The following ANAPC10 variants were observed in gnomAD, a reference collection of about 807,000 sequenced individuals.
ANAPC10 encodes anaphase-promoting complex subunit 10.
Under a neutral mutation model 22.0 loss-of-function variants are expected in ANAPC10, and 12 were observed. The ratio of observed to expected loss-of-function variants is 0.55; its 90% confidence interval spans 0.35 to 0.88. The LOEUF is 0.88. ANAPC10 is among the 40% of genes least tolerant of loss of function. The pLI is 0.01. For synonymous variants in ANAPC10, 65 were observed against 69.5 expected (o/e 0.94, Z 0.32); for missense variants, 188 against 220.9 (o/e 0.85, Z 0.94).
chr4:145,005,969 C>T (rs1733280660), intron 4 of ANAPC10, among the ~76,000 whole-genome samples: 1 of 151,964 alleles, frequency 6.6e-6, no homozygotes, highest in African/African-American at 2.4e-5. Context: ...ATCTATTAGG[C>T]CCATTTAGTT....
chr4:145,086,427 C>G (rs1002581082), intron 2 of ANAPC10, among the ~76,000 whole-genome samples: 5 of 152,192 alleles, frequency 3.3e-5, no homozygotes, highest in Non-Finnish European at 5.9e-5. Flanking sequence ...TGTACTGGTT[C>G]TCTAATGCAG....
intron 4 of ANAPC10, among the ~76,000 whole-genome samples, chr4:145,001,659 C>T (rs1732587748): frequency 6.6e-6 from 1 of 152,176 alleles, no homozygotes; most frequent in Non-Finnish European, 1.5e-5. Flanking sequence ...AGGAACCACC[C>T]ACCACCTTTC....
chr4:145,042,555 T>C (rs1046164412), intron 4 of ANAPC10, among the ~76,000 whole-genome samples: 1 of 152,180 alleles, frequency 6.6e-6, no homozygotes, highest in African/African-American at 2.4e-5. Flanking sequence ...TTATAGTATA[T>C]AAATACACAA....
chr4:145,087,836 C>T (rs1244201507), intron 2 of ANAPC10, among the ~76,000 whole-genome samples: 1 of 152,108 alleles, frequency 6.6e-6, no homozygotes, highest in Non-Finnish European at 1.5e-5. Context: ...CACTTGAGGT[C>T]AAGAGTTTGA....
chr4:144,996,979 A>T (rs1731715853), intron 4 of ANAPC10, among the ~76,000 whole-genome samples: 1 of 152,206 alleles, frequency 6.6e-6, no homozygotes, highest in African/African-American at 2.4e-5. Flanking sequence ...AGTGGAAGAA[A>T]GGGTAACAGT....
At chr4:145,097,295 G>C in intron 1 of ANAPC10, 1 of 370,064 alleles carries the variant, frequency 2.7e-6, no homozygotes, top group South Asian at 2.1e-5. Flanking sequence ...TCAAGATTTT[G>C]AAGTGAATAA....
chr4:145,022,633 T>C (rs757424939), intron 4 of ANAPC10, among the ~76,000 whole-genome samples: 2 of 151,958 alleles, frequency 1.3e-5, no homozygotes, highest in Admixed American at 6.6e-5. Flanking sequence ...ACATCACCTG[T>C]ACTCCAATAA....
intron 2 of ANAPC10, among the ~76,000 whole-genome samples, chr4:145,090,132 T>TG (rs1747451330): frequency 6.6e-6 from 1 of 152,204 alleles, no homozygotes; most frequent in African/African-American, 2.4e-5. Context: ...CAACGAGGAT[T>TG]GGTACCAGGA....
intron 2 of ANAPC10, among the ~76,000 whole-genome samples, chr4:145,092,354 T>C (rs1164478664): frequency 6.6e-6 from 1 of 151,488 alleles, no homozygotes; most frequent in African/African-American, 2.4e-5. Flanking sequence ...ATCACCTCCA[T>C]CCAAACAACA....
At chr4:145,010,153 C>G (rs1273402800) in intron 4 of ANAPC10, among the ~76,000 whole-genome samples, 1 of 152,056 alleles carries the variant, frequency 6.6e-6, no homozygotes, top group East Asian at 1.9e-4. Context: ...GAATGGCGAT[C>G]ATTAAAAAGT....
At chr4:145,000,749 G>A (rs1272060611) in intron 4 of ANAPC10, among the ~76,000 whole-genome samples, 2 of 151,986 alleles carry the variant, frequency 1.3e-5, no homozygotes, top group African/African-American at 2.4e-5. Context: ...ACATGCACAC[G>A]TTTATTGTGG....
intron 4 of ANAPC10, among the ~76,000 whole-genome samples, chr4:145,055,141 T>C (rs746465574): frequency 9.9e-5 from 15 of 152,184 alleles, no homozygotes; most frequent in Non-Finnish European, 2.1e-4. Context: ...GTACATCCAC[T>C]GTTCACAGCA....
At chr4:145,015,452 C>A (rs1340545022) in intron 4 of ANAPC10, among the ~76,000 whole-genome samples, 1 of 151,002 alleles carries the variant, frequency 6.6e-6, no homozygotes, top group Non-Finnish European at 1.5e-5. Flanking sequence ...GTGAAACAAC[C>A]AAACTTAAGA....
At position 145,098,160 on chromosome 4, in the gene ANAPC10, G is replaced by C. The variant is rs1349888976; in HGVS notation, c.-53C>G. ...CTGCTTGCCGAAACTCAGATTCTCG[G>C]CACCTCCAGCAGCTGGCTTCGCCAA... On this transcript the variant is annotated 5_prime_UTR_variant, in exon 1 of 5. Transcript: ENST00000507656. 1 of 152,630 alleles carries C rather than the reference G, an allele frequency of 6.6e-6. No individual in the cohort carries two copies. The highest frequency in any genetic ancestry group is 1.5e-5 in the Non-Finnish European group (1 of 68,354). 9.5% of individuals were successfully genotyped at this position (152,630 alleles called of 1,614,324 possible).
chr4:145,039,580 T>C (rs1358229676), intron 4 of ANAPC10, among the ~76,000 whole-genome samples: 1 of 152,098 alleles, frequency 6.6e-6, no homozygotes, highest in Non-Finnish European at 1.5e-5. Context: ...AGCCTTGCAA[T>C]AGCCCTATGA....
intron 4 of ANAPC10, among the ~76,000 whole-genome samples, chr4:145,050,724 C>A (rs908909585): frequency 1.3e-5 from 2 of 152,232 alleles, no homozygotes; most frequent in African/African-American, 4.8e-5. Flanking sequence ...TCACTGAAAC[C>A]TCATGAACCA....
intron 4 of ANAPC10, among the ~76,000 whole-genome samples, chr4:145,049,719 A>T (rs901773529): frequency 6.6e-6 from 1 of 152,134 alleles, no homozygotes; most frequent in African/African-American, 2.4e-5. Flanking sequence ...AGATGGGACT[A>T]CAGATGTGCA....
intron 3 of ANAPC10, among the ~76,000 whole-genome samples, chr4:145,070,639 T>C (rs1239938345): frequency 6.6e-6 from 1 of 152,228 alleles, no homozygotes; most frequent in East Asian, 1.9e-4. Flanking sequence ...CAATTCCACC[T>C]GTGGATATAT....
intron 4 of ANAPC10, 116 bp downstream of exon 4, chr4:145,064,456 A>G: frequency 1.3e-6 from 1 of 774,692 alleles, no homozygotes; most frequent in Non-Finnish European, 1.9e-6. Flanking sequence ...GTTTTCTCCA[A>G]TATTTTTCTC....
Sources: allele counts gnomAD v4.1 joint callset (sites outside exome capture counted in the v4.1 genomes callset), GRCh38; gene constraint gnomAD v4.1.1; transcripts MANE v1.5; gene names NCBI Gene and HGNC (gene_info 2026-07-23, HGNC 2026-07-21).